LIMD1: variants seen among roughly 807,000 people sequenced by gnomAD.
The protein encoded by LIMD1 is LIM domain containing 1.
LIMD1 carries 23 observed loss-of-function variants against 58.4 expected under a neutral mutation model. The ratio of observed to expected loss-of-function variants is 0.39; its 90% CI spans 0.28 to 0.56. The LOEUF is 0.56. LIMD1 is among the 20% of genes least tolerant of loss of function. The pLI is 0.57. For missense variants in LIMD1, 838 were observed against 855.5 expected (o/e 0.98, Z 0.25); for synonymous variants, 334 against 345.5 (o/e 0.97, Z 0.37).
chr3:45,628,129 G>A (rs147831613), intron 1 of LIMD1, among the ~76,000 whole-genome samples: 309 of 152,272 alleles, frequency 2.0e-3, no homozygotes, highest in Non-Finnish European at 3.1e-3. Context: ...CCAGCTAATT[G>A]CCTCGAGAGA....
intron 1 of LIMD1, among the ~76,000 whole-genome samples, chr3:45,622,543 GT>G (rs1701636966): frequency 6.6e-6 from 1 of 152,110 alleles, no homozygotes; most frequent in South Asian, 2.1e-4. Flanking sequence ...TTACGTGAAT[GT>G]GGTCTTTCTC....
intron 1 of LIMD1, among the ~76,000 whole-genome samples, chr3:45,600,032 G>T (rs369664405): frequency 6.6e-6 from 1 of 152,196 alleles, no homozygotes; most frequent in Non-Finnish European, 1.5e-5. Context: ...GAGGAGGCTG[G>T]ACAGCTGAGG....
At position 45,684,340 on chromosome 3, in the gene LIMD1, A is replaced by C. The variant is rs946949770; in HGVS notation, c.*7281A>C. ...TCCACGGCAAGCCTGTGACGGAGTG[A>C]AAGTGAGGGGACACCCAATTTGAAA... On this transcript the variant is annotated 3_prime_UTR_variant, in exon 8 of 8. Transcript: ENST00000273317. 10 of 152,256 alleles carry C rather than the reference A, an allele frequency of 6.6e-5. No homozygotes were observed. Among genetic ancestry groups the C allele is most frequent in the African/African-American group, 2.4e-4 (10 of 41,454 alleles). 9.4% of individuals were successfully genotyped at this position (152,256 alleles called of 1,614,324 possible). A position where few individuals can be genotyped will look rare whatever the true frequency, so the allele number is the denominator to read the frequency against.
intron 2 of LIMD1, among the ~76,000 whole-genome samples, chr3:45,640,807 G>A (rs1701834225): frequency 6.6e-6 from 1 of 152,258 alleles, no homozygotes; most frequent in Non-Finnish European, 1.5e-5. Context: ...CTAGAACAGA[G>A]TTGCTGAAGG....
intron 1 of LIMD1, among the ~76,000 whole-genome samples, chr3:45,628,024 A>AAG (rs1398152855): frequency 2.6e-5 from 4 of 151,942 alleles, no homozygotes; most frequent in African/African-American, 9.7e-5. Context: ...AAAAAAGAAA[A>AAG]AAGAATATAT....
intron 2 of LIMD1, among the ~76,000 whole-genome samples, chr3:45,653,933 GAA>G (rs58994550): frequency 5.9e-5 from 7 of 118,068 alleles, no homozygotes; most frequent in African/African-American, 9.6e-5. Context: ...AAAAGAAAAA[GAA>G]AAAAAAAAAA....
At chr3:45,673,559 C>A in intron 6 of LIMD1, 54 bp downstream of exon 6, 3 of 1,354,074 alleles carry the variant, frequency 2.2e-6, no homozygotes, top group Non-Finnish European at 3.2e-6. Flanking sequence ...TGAATATCTC[C>A]CTGGGCTCAT....
Position 45,595,121 on chromosome 3 carries a change from G to A in LIMD1, c.242G>A (p.Gly81Glu). 6.2e-7 allele frequency: 1 copy of A among 1,608,026 alleles called. No individual in the cohort carries two copies. Among genetic ancestry groups the A allele is most frequent in the African/African-American group, 1.3e-5 (1 of 74,894 alleles). Reference protein sequence around the residue: ...PRGSRGPVNGGGRLGPQARWE... With the variant: ...PRGSRGPVNGEGRLGPQARWE... ...GGGAGTAGAGGCCCTGTCAATGGAG[G>A]GGGCCGCCTGGGCCCACAGGCCCGT... The change falls in exon 1 of 8, where the codon GGG becomes GAG. Residue 81 changes from glycine to glutamate, a missense_variant. Physicochemically the swap from Gly to Glu is moderately conservative, Grantham distance 98. Coordinates refer to ENST00000273317, the MANE Select transcript of LIMD1 (RefSeq NM_014240.3).
At chr3:45,623,045 A>G (rs1003042385) in intron 1 of LIMD1, among the ~76,000 whole-genome samples, 1 of 152,198 alleles carries the variant, frequency 6.6e-6, no homozygotes, top group African/African-American at 2.4e-5. Context: ...TTAAGAGTGT[A>G]TGAGAGAGCC....
intron 1 of LIMD1, among the ~76,000 whole-genome samples, chr3:45,630,702 C>T (rs1443782229): frequency 6.6e-6 from 1 of 151,830 alleles, no homozygotes; most frequent in East Asian, 1.9e-4. Flanking sequence ...GAAGGAGCTC[C>T]CCTCATGATG....
At position 45,672,290 on chromosome 3, in the gene LIMD1, C is replaced by T. The variant is rs79542003; in HGVS notation, c.1642-400C>T. Among the ~76,000 whole-genome samples the T allele has an allele frequency of 7.2e-5, 11 of 152,264 alleles. No individual in the cohort carries two copies. The East Asian group carries it at 2.1e-3, about 29-fold the overall frequency. On this transcript the variant is annotated intron_variant, in intron 4 of 7. Transcript: ENST00000273317. ...TTCCCAAATCTGGGAAGGATGTATC[C>T]TTCTGTGGCCCTGCTTTGCATCGTT...
intron 2 of LIMD1, 127 bp from the exon 3 acceptor site, chr3:45,665,523 G>A (rs1697504548): frequency 1.4e-6 from 1 of 696,582 alleles, no homozygotes; most frequent in South Asian, 1.8e-5. Flanking sequence ...ACTGGAAAGT[G>A]TCATTGACAG....
At chr3:45,604,677 C>T (rs1003100603) in intron 1 of LIMD1, among the ~76,000 whole-genome samples, 4 of 152,146 alleles carry the variant, frequency 2.6e-5, no homozygotes, top group East Asian at 3.9e-4. Context: ...TGGCTCCCAA[C>T]GGATGTTCTT....
chr3:45,670,727 G>A lies in LIMD1; in HGVS notation c.1642-1963G>A, dbSNP rs189891320. On this transcript the variant is annotated intron_variant, in intron 4 of 7. Coordinates refer to ENST00000273317, the MANE Select transcript of LIMD1 (RefSeq NM_014240.3). The stretch of plus-strand genomic sequence containing the variant: ...AAGCCAGTTCTGATTCAAGGGGAGG[G>A]GGAAATAGTCCCCATCTCTTGATGT... Among the ~76,000 whole-genome samples the A allele has an allele frequency of 5.3e-5, 8 of 152,300 alleles. No homozygotes were observed. In the East Asian group the frequency reaches 9.7e-4, roughly 18 times the overall value.
chr3:45,650,645 T>C (rs1559522419), intron 2 of LIMD1, among the ~76,000 whole-genome samples: 1 of 152,066 alleles, frequency 6.6e-6, no homozygotes, highest in African/African-American at 2.4e-5. Flanking sequence ...GCTTCATCCA[T>C]GTCCCCAAAA....
chr3:45,608,839 CAAAAAAAAAAA>C (rs60750700), intron 1 of LIMD1, among the ~76,000 whole-genome samples: 3 of 102,984 alleles, frequency 2.9e-5, no homozygotes, highest in African/African-American at 4.0e-5. Context: ...GACTCGGTAT[CAAAAAAAAAAA>C]AAAAAAAAGA....
At chr3:45,608,735 G>T (rs1162707237) in intron 1 of LIMD1, among the ~76,000 whole-genome samples, 1 of 151,656 alleles carries the variant, frequency 6.6e-6, no homozygotes, top group Non-Finnish European at 1.5e-5. Context: ...AGCTACTCGG[G>T]AGGCTGAGGC....
At chr3:45,675,248 G>T (rs1359824732) in intron 7 of LIMD1, among the ~76,000 whole-genome samples, 3 of 152,212 alleles carry the variant, frequency 2.0e-5, no homozygotes, top group Non-Finnish European at 4.4e-5. Flanking sequence ...AAATATAAGG[G>T]GCCGGGCGCG....
At chr3:45,659,789 T>C (rs1029775577) in intron 2 of LIMD1, among the ~76,000 whole-genome samples, 16 of 152,240 alleles carry the variant, frequency 1.1e-4, no homozygotes, top group Non-Finnish European at 2.2e-4. Flanking sequence ...TTTAAAATTC[T>C]TTCCCAAAGC....
Sources: allele counts gnomAD v4.1 joint callset (sites outside exome capture counted in the v4.1 genomes callset), GRCh38; gene constraint gnomAD v4.1.1; transcripts MANE v1.5; gene names NCBI Gene and HGNC (gene_info 2026-07-23, HGNC 2026-07-21).